ARSB: variants seen among roughly 807,000 people sequenced by gnomAD.
The protein encoded by ARSB is N-acetylgalactosamine-4-sulfatase.
ARSB carries 41 observed loss-of-function variants against 50.9 expected under a neutral mutation model. The ratio of observed to expected loss-of-function variants is 0.81; its 90% confidence interval spans 0.63 to 1.04. ARSB has a LOEUF of 1.04. ARSB is among the 50% of genes least tolerant of loss of function. The pLI, the probability that ARSB is intolerant of heterozygous loss-of-function variation, is 0.00. For synonymous variants in ARSB, 269 were observed against 284.8 expected (o/e 0.94, Z 0.56); for missense variants, 672 against 693.3 (o/e 0.97, Z 0.35).
At chr5:78,853,177 C>A (rs888655330) in intron 5 of ARSB, among the ~76,000 whole-genome samples, 1 of 152,170 alleles carries the variant, frequency 6.6e-6, no homozygotes, top group African/African-American at 2.4e-5. Flanking sequence ...TTTTCCCCAT[C>A]TTTGTGGCTT....
At chr5:78,905,979 G>A in intron 4 of ARSB, among the ~76,000 whole-genome samples, 1 of 147,926 alleles carries the variant, frequency 6.8e-6, no homozygotes, top group East Asian at 2.0e-4. Flanking sequence ...GGTCAGAAAT[G>A]TGGGTCTTCT....
At chr5:78,851,215 C>G (rs1448043054) in intron 5 of ARSB, among the ~76,000 whole-genome samples, 1 of 152,186 alleles carries the variant, frequency 6.6e-6, no homozygotes, top group African/African-American at 2.4e-5. Flanking sequence ...AAATTTCCCA[C>G]TACACACTGC....
chr5:78,964,279 A>T (rs1249089206), intron 3 of ARSB, 137 bp downstream of exon 3: 6 of 856,458 alleles, frequency 7.0e-6, no homozygotes, highest in Non-Finnish European at 1.1e-5. Flanking sequence ...TGATTCTGGG[A>T]TACTGTATAA....
At chr5:78,930,556 TAA>T (rs1468122659) in intron 4 of ARSB, among the ~76,000 whole-genome samples, 1 of 152,218 alleles carries the variant, frequency 6.6e-6, no homozygotes, top group African/African-American at 2.4e-5. Flanking sequence ...TACAGTCAGT[TAA>T]GAGTGTAAAC....
At chr5:78,946,248 T>C (rs1447993537) in intron 4 of ARSB, among the ~76,000 whole-genome samples, 1 of 151,938 alleles carries the variant, frequency 6.6e-6, no homozygotes, top group Non-Finnish European at 1.5e-5. Flanking sequence ...CTAGCTAGAG[T>C]AATCAGACAA....
intron 6 of ARSB, 144 bp from the exon 7 acceptor site, chr5:78,782,118 A>C: frequency 9.5e-7 from 1 of 1,049,176 alleles, no homozygotes; most frequent in South Asian, 1.5e-5. Context: ...TGAATCTTTT[A>C]TTAAATCCAA....
At chr5:78,795,408 G>A (rs550835143) in intron 6 of ARSB, among the ~76,000 whole-genome samples, 1 of 152,306 alleles carries the variant, frequency 6.6e-6, no homozygotes, top group South Asian at 2.1e-4. Flanking sequence ...CTTTGGGGAG[G>A]AGGGGGCTGG....
intron 4 of ARSB, among the ~76,000 whole-genome samples, chr5:78,897,043 T>C (rs1355222437): frequency 1.3e-5 from 2 of 150,586 alleles, no homozygotes; most frequent in Admixed American, 6.6e-5. Context: ...GGCCATTCTA[T>C]AGTAGAAATA....
intron 5 of ARSB, among the ~76,000 whole-genome samples, chr5:78,857,689 C>T (rs190268283): frequency 2.6e-5 from 4 of 152,222 alleles, no homozygotes; most frequent in African/African-American, 9.6e-5. Flanking sequence ...CAATGTTTAC[C>T]CCCATCCCAG....
rs58773415 is a variant in ARSB, at chr5:78,834,607, GTATATATATATATATATATATATATA to G, written c.1213+4723_1213+4748del. Among the ~76,000 whole-genome samples, 347 of 85,646 alleles carry G rather than the reference GTATATATATATATATATATATATATA, an allele frequency of 4.1e-3. 12 individuals are homozygous for G. Among genetic ancestry groups the G allele is most frequent in the African/African-American group, 0.011 (271 of 25,216 alleles). 56.2% of individuals were successfully genotyped at this position (85,646 alleles called of 152,430 possible). ...ATACTATTTCATGGTATATATATGT[GTATATATATATATATATATATATATA>G]TATATATATATATGCCACATTTTGT... On this transcript the variant is annotated intron_variant, in intron 6 of 7. Transcript: ENST00000264914.
At chr5:78,888,277 T>C (rs76762500) in intron 4 of ARSB, among the ~76,000 whole-genome samples, 260 of 152,294 alleles carry the variant, frequency 1.7e-3, no homozygotes, top group Admixed American at 3.5e-3. Flanking sequence ...GACCCGTATA[T>C]TCAAAACAAC....
intron 5 of ARSB, among the ~76,000 whole-genome samples, chr5:78,852,593 A>C (rs1745875124): frequency 6.6e-6 from 1 of 151,946 alleles, no homozygotes; most frequent in Non-Finnish European, 1.5e-5. Context: ...CCTGAATCTG[A>C]ATGTTGGCCT....
chr5:78,950,335 A>G (rs1751443156), intron 4 of ARSB, among the ~76,000 whole-genome samples: 1 of 152,208 alleles, frequency 6.6e-6, no homozygotes. Context: ...GGGCTGAGGA[A>G]ATAAGAACTG....
rs760606288 is a variant in ARSB at position 78,780,360 on chromosome 5, A to G, written c.*37T>C. The G allele has an allele frequency of 6.2e-7, 1 of 1,612,680 alleles. No homozygotes were observed. Among genetic ancestry groups the G allele is most frequent in the Non-Finnish European group, 8.5e-7 (1 of 1,179,956 alleles). ...GTCGTGAGAAAAGGCCTGAGGTCCA[A>G]CTTCCAATTGAAAGGTTTTCTAGCC... On this transcript the variant is annotated 3_prime_UTR_variant, in exon 8 of 8. Transcript: ENST00000264914.
rs183397767 is a variant in ARSB, at chr5:78,848,016, T to A, written c.1143-8590A>T. Among the ~76,000 whole-genome samples, 22 of 151,770 alleles carry A rather than the reference T, an allele frequency of 1.4e-4. No homozygotes were observed. The East Asian group carries it at 3.7e-3, about 25-fold the overall frequency. ...TTTCAAAAACCAACTTTTAATTTCA[T>A]CGATCTTTTGTATTATTTTTTAGCG... On this transcript the variant is annotated intron_variant, in intron 5 of 7. Coordinates refer to ENST00000264914, the MANE Select transcript of ARSB (RefSeq NM_000046.5).
chr5:78,835,529 C>T (rs893828189), intron 6 of ARSB, among the ~76,000 whole-genome samples: 13 of 152,202 alleles, frequency 8.5e-5, no homozygotes, highest in African/African-American at 2.4e-4. Flanking sequence ...TGTTTCGGAA[C>T]GGAAATCAGA....
intron 5 of ARSB, among the ~76,000 whole-genome samples, chr5:78,876,912 G>A (rs1270737032): frequency 6.6e-6 from 1 of 152,194 alleles, no homozygotes; most frequent in Non-Finnish European, 1.5e-5. Context: ...AACTGCGCAT[G>A]CGAGGGATCT....
At chr5:78,810,209 C>G (rs1343555718) in intron 6 of ARSB, among the ~76,000 whole-genome samples, 1 of 152,188 alleles carries the variant, frequency 6.6e-6, no homozygotes, top group Non-Finnish European at 1.5e-5. Context: ...GGGGACAGAG[C>G]CTGCTATTCA....
At chr5:78,959,243 C>T (rs1404970723) in intron 3 of ARSB, among the ~76,000 whole-genome samples, 1 of 152,134 alleles carries the variant, frequency 6.6e-6, no homozygotes, top group African/African-American at 2.4e-5. Context: ...GTTTGCTTCC[C>T]CTTCCACACC....
Sources: gnomAD v4.1 joint callset for allele counts (sites outside exome capture counted in the v4.1 genomes callset) on GRCh38, gnomAD v4.1.1 for gene constraint, MANE v1.5 for transcripts, NCBI Gene and HGNC (gene_info 2026-07-23, HGNC 2026-07-21) for gene names.